ATP13A5: variants seen among roughly 807,000 people sequenced by gnomAD.
ATP13A5 encodes ATPase 13A5.
A neutral mutation model predicts 150.2 loss-of-function variants in ATP13A5; 149 were observed. That is an observed-to-expected ratio of 0.99 (90% confidence interval 0.87 to 1.14). The LOEUF is 1.14. Ranked by LOEUF, ATP13A5 falls within the 50% of genes most tolerant of loss-of-function variation. The pLI is 0.00. For missense variants in ATP13A5, 1,383 were observed against 1,449.3 expected, an observed-to-expected ratio of 0.95 and a Z score of 0.74; for synonymous variants, 497 against 522.2, an observed-to-expected ratio of 0.95 and a Z score of 0.66.
chr3:193,302,871 C>A (rs2108841487), intron 23 of ATP13A5, among the ~76,000 whole-genome samples: 1 of 152,258 alleles, frequency 6.6e-6, no homozygotes, highest in East Asian at 1.9e-4. Flanking sequence ...TGAACCATAT[C>A]TAATTTTTAT....
rs147948070 is a variant in ATP13A5 at position 193,363,325 on chromosome 3, T to G, written c.295A>C (p.Lys99Gln). 18 of 1,613,764 alleles carry G rather than the reference T, an allele frequency of 1.1e-5. No individual in the cohort carries two copies. Among genetic ancestry groups the G allele is most frequent in the Non-Finnish European group, 1.5e-5 (18 of 1,179,826 alleles). The change falls in exon 3 of 30, where the codon AAG becomes CAG. Residue 99 changes from lysine (K) to glutamine (Q), a missense_variant. Around this residue, in one of 3 missense-constraint regions of ATP13A5, gnomAD observed 787 missense variants for 771.9 expected, o/e 1.02. Coordinates refer to ENST00000342358, the MANE Select transcript of ATP13A5 (RefSeq NM_198505.4). ...TCCCACTTCTTGCTTACAGGAAACT[T>G]CAGTGTGGATAAGTAGAGGCAGAAT... The part of the protein sequence containing the change: ...KVFCLYLSTL[K>Q]FPVSKKWEES...
chr3:193,322,747 T>C (rs1405575375), intron 14 of ATP13A5, among the ~76,000 whole-genome samples, 173 bp from the exon 15 acceptor site: 4 of 152,228 alleles, frequency 2.6e-5, no homozygotes, highest in African/African-American at 9.6e-5. Flanking sequence ...CGATTTATAT[T>C]AGGGGCCTTA....
At chr3:193,375,158 C>A (rs1713593922) in intron 1 of ATP13A5, among the ~76,000 whole-genome samples, 2 of 152,190 alleles carry the variant, frequency 1.3e-5, no homozygotes, top group Admixed American at 1.3e-4. Context: ...CAGTATTTCT[C>A]AAACCTGATA....
chr3:193,373,489 T>G (rs927506424), intron 1 of ATP13A5, among the ~76,000 whole-genome samples: 2 of 151,966 alleles, frequency 1.3e-5, no homozygotes, highest in African/African-American at 4.8e-5. Flanking sequence ...TTACTTGTTT[T>G]CTCAATGATA....
chr3:193,330,286 T>C (rs1711580065), intron 12 of ATP13A5, among the ~76,000 whole-genome samples: 2 of 152,238 alleles, frequency 1.3e-5, no homozygotes, highest in African/African-American at 4.8e-5. Context: ...ATTTTCCTGC[T>C]TTCTCAGCTA....
intron 22 of ATP13A5, chr3:193,307,020 T>C: frequency 1.3e-6 from 1 of 779,748 alleles, no homozygotes; most frequent in Non-Finnish European, 1.6e-6. Flanking sequence ...ATTTCATTAC[T>C]GATAACAGGA....
chr3:193,313,941 G>T, intron 19 of ATP13A5, 92 bp downstream of exon 19: 1 of 1,381,036 alleles, frequency 7.2e-7, no homozygotes, highest in Non-Finnish European at 1.0e-6. Context: ...TTATTACTGA[G>T]ATGACTCCTG....
At chr3:193,301,130 T>C (rs1400621739) in intron 24 of ATP13A5, 81 bp downstream of exon 24, 1 of 1,118,004 alleles carries the variant, frequency 8.9e-7, no homozygotes, top group African/African-American at 1.6e-5. Flanking sequence ...ACATTAAATC[T>C]TGTATAGGAG....
chr3:193,291,149 T>C (rs1174391150), intron 25 of ATP13A5, among the ~76,000 whole-genome samples: 1 of 152,184 alleles, frequency 6.6e-6, no homozygotes, highest in African/African-American at 2.4e-5. Flanking sequence ...GTCCTTCATT[T>C]TCTCACATAT....
At chr3:193,297,466 T>C (rs1718218004) in intron 25 of ATP13A5, among the ~76,000 whole-genome samples, 1 of 151,988 alleles carries the variant, frequency 6.6e-6, no homozygotes, top group Admixed American at 6.6e-5. Context: ...AGGTAGAGGG[T>C]AAAAAACAAA....
Position 193,274,941 on chromosome 3 carries a change from G to T in ATP13A5, c.*101C>A. ...GAAAATATACTTTGAATGCTTGAAT[G>T]GAGAGAGGAAAGGTAAGGGGAGAGT... On this transcript the variant is annotated 3_prime_UTR_variant, in exon 30 of 30. Transcript: ENST00000342358. 6.8e-7 allele frequency: 1 copy of T among 1,474,594 alleles called. No individual in the cohort carries two copies. Among genetic ancestry groups the T allele is most frequent in the Non-Finnish European group, 9.2e-7 (1 of 1,084,980 alleles). The allele number at this position is 1,474,594 out of a possible 1,614,324, so 91.3% of individuals were successfully genotyped here.
intron 22 of ATP13A5, 97 bp from the exon 23 acceptor site, chr3:193,305,765 C>T: frequency 9.8e-7 from 1 of 1,017,072 alleles, no homozygotes; most frequent in South Asian, 1.3e-5. Flanking sequence ...AAAGGTATAA[C>T]ACTGTACTGT....
At chr3:193,285,828 G>A (rs1366003899) in intron 26 of ATP13A5, among the ~76,000 whole-genome samples, 1 of 152,082 alleles carries the variant, frequency 6.6e-6, no homozygotes, top group Non-Finnish European at 1.5e-5. Flanking sequence ...TACTTTTGCT[G>A]GCAAGTGGTA....
At position 193,363,962 on chromosome 3, in the gene ATP13A5, T is replaced by TGC. The variant is rs1560151797; in HGVS notation, c.237+144_237+145insGC. On this transcript the variant is annotated intron_variant, in intron 2 of 29. Coordinates refer to ENST00000342358, the MANE Select transcript of ATP13A5 (RefSeq NM_198505.4). ...GGATTGCAGAGGTAATTTTGCCGTATTTTCTCCTGTTTTGATCTATGGAAA... is the reference window on the plus strand; with the variant it reads ...GGATTGCAGAGGTAATTTTGCCGTATGCTTTCTCCTGTTTTGATCTATGGAAA... 26 of 896,588 alleles carry TGC rather than the reference T, an allele frequency of 2.9e-5. No homozygotes were observed. The African/African-American group carries it at 4.4e-4, about 15-fold the overall frequency. 55.5% of individuals were successfully genotyped at this position (896,588 alleles called of 1,614,324 possible). A position where few individuals can be genotyped will look rare whatever the true frequency, so the allele number is the denominator to read the frequency against.
rs74478656 is a variant in ATP13A5 at position 193,315,043 on chromosome 3, C to T, written c.2087G>A (p.Arg696His). ...GACCAGTTTGGTTTCTTTTTTCAAG[C>T]GATTCTCCATGATGAGAAGTCCCAG... is the stretch of plus-strand genomic sequence containing the variant. Reference protein sequence around the residue: ...TFLGLLIMENRLKKETKLVLK... With the variant: ...TFLGLLIMENHLKKETKLVLK... Residue 696 changes from arginine (R) to histidine (H), a missense_variant, in exon 18 of 30, where the codon CGC becomes CAC. By Grantham distance (29) the Arg-to-His change is conservative. Around this residue, in one of 3 missense-constraint regions of ATP13A5, gnomAD observed 568 missense variants for 621.5 expected, o/e 0.91. Transcript: ENST00000342358. 12,431 of 1,610,268 alleles carry T rather than the reference C, an allele frequency of 7.7e-3. 61 individuals carry two copies. Among genetic ancestry groups the T allele is most frequent in the Non-Finnish European group, 9.6e-3 (11,275 of 1,177,518 alleles).
At chr3:193,354,820 T>G (rs547122880) in intron 5 of ATP13A5, among the ~76,000 whole-genome samples, 2 of 152,106 alleles carry the variant, frequency 1.3e-5, no homozygotes, top group African/African-American at 4.8e-5. Context: ...AAAGATTCAT[T>G]TGATCCTCAC....
intron 1 of ATP13A5, among the ~76,000 whole-genome samples, chr3:193,375,267 T>C (rs1713600320): frequency 6.6e-6 from 1 of 152,206 alleles, no homozygotes; most frequent in African/African-American, 2.4e-5. Flanking sequence ...CAATCCCAAA[T>C]GGTAGGTATT....
chr3:193,300,804 C>A (rs771133877), intron 24 of ATP13A5, among the ~76,000 whole-genome samples: 1 of 152,148 alleles, frequency 6.6e-6, no homozygotes, highest in Non-Finnish European at 1.5e-5. Context: ...CTTTAGCATT[C>A]TAGTCCTTCA....
At chr3:193,323,050 G>A (rs1236355429) in intron 14 of ATP13A5, among the ~76,000 whole-genome samples, 1 of 152,142 alleles carries the variant, frequency 6.6e-6, no homozygotes, top group Non-Finnish European at 1.5e-5. Context: ...TAGAAAGCCT[G>A]TTTGAAAATG....
Sources: gnomAD v4.1 joint callset for allele counts (sites outside exome capture counted in the v4.1 genomes callset) on GRCh38, gnomAD v4.1.1 for gene constraint, gnomAD v4.1.1 regional missense constraint, MANE v1.5 for transcripts, NCBI Gene and HGNC (gene_info 2026-07-23, HGNC 2026-07-21) for gene names.